Variants in AGTPBP1 observed in about 807,000 individuals in gnomAD.
AGTPBP1 encodes ATP/GTP binding carboxypeptidase 1.
Under a neutral mutation model 143.9 loss-of-function variants are expected in AGTPBP1, and 70 were observed. The observed-to-expected ratio is 0.49, with a 90% CI of 0.40 to 0.59. The LOEUF (loss-of-function observed/expected upper bound fraction) is 0.59. Among genes scored for constraint, AGTPBP1 ranks in the 20% least tolerant of loss-of-function variants. AGTPBP1 has a pLI of 0.00. For missense variants in AGTPBP1, 1,229 were observed against 1,464.5 expected (o/e 0.84, Z 2.62); for synonymous variants, 463 against 500.2 (o/e 0.93, Z 0.99).
At chr9:85,738,228 A>T (rs192149686) in intron 1 of AGTPBP1, among the ~76,000 whole-genome samples, 1 of 152,312 alleles carries the variant, frequency 6.6e-6, no homozygotes, top group East Asian at 1.9e-4. Context: ...AACTTTTAAC[A>T]ATGTAAAAGG....
At chr9:85,723,768 A>G (rs1395320050) in intron 1 of AGTPBP1, among the ~76,000 whole-genome samples, 1 of 151,894 alleles carries the variant, frequency 6.6e-6, no homozygotes, top group East Asian at 1.9e-4. Context: ...TTCTCCATCA[A>G]TCTCGCTGGG....
At position 85,668,966 on chromosome 9, in the gene AGTPBP1, CATGT is replaced by C. The variant is rs1275488359; in HGVS notation, c.662+515_662+518del. On this transcript the variant is annotated intron_variant, in intron 8 of 25. Coordinates refer to ENST00000357081, the MANE Select transcript of AGTPBP1 (RefSeq NM_001330701.2). ...ATGAATAAAAATACATACATACATA[CATGT>C]GTGTGTGTGTGTGTGTGTGTGTGTG... 2.0e-3 allele frequency among the ~76,000 whole-genome samples: 132 copies of C among 67,606 alleles called. 1 individual carries two copies. In the South Asian group the frequency reaches 0.037, roughly 19 times the overall value. 44.4% of individuals were successfully genotyped at this position (67,606 alleles called of 152,430 possible).
intron 23 of AGTPBP1, among the ~76,000 whole-genome samples, chr9:85,581,338 A>G (rs1828245837): frequency 6.6e-6 from 1 of 152,214 alleles, no homozygotes; most frequent in Non-Finnish European, 1.5e-5. Flanking sequence ...GGCCTCAAGC[A>G]TGTCAACTGA....
chr9:85,618,009 G>A (rs1830691972), intron 17 of AGTPBP1, among the ~76,000 whole-genome samples: 1 of 152,188 alleles, frequency 6.6e-6, no homozygotes, highest in Non-Finnish European at 1.5e-5. Context: ...GGAAGCCAAG[G>A]TGGGCAGATC....
At chr9:85,564,450 A>G (rs1826948213) in intron 25 of AGTPBP1, among the ~76,000 whole-genome samples, 1 of 152,226 alleles carries the variant, frequency 6.6e-6, no homozygotes, top group Non-Finnish European at 1.5e-5. Flanking sequence ...TCTCACCCAT[A>G]TCTGATTTAA....
intron 6 of AGTPBP1, among the ~76,000 whole-genome samples, chr9:85,673,728 G>C (rs996114977): frequency 6.6e-6 from 1 of 152,056 alleles, no homozygotes; most frequent in Non-Finnish European, 1.5e-5. Flanking sequence ...CAGGTAATGG[G>C]TATATTAAAT....
At chr9:85,552,626 C>T (rs1265654253) in intron 25 of AGTPBP1, among the ~76,000 whole-genome samples, 2 of 152,282 alleles carry the variant, frequency 1.3e-5, no homozygotes, top group East Asian at 3.9e-4. Context: ...TCAGTCTCAC[C>T]CATCTCACAA....
intron 3 of AGTPBP1, among the ~76,000 whole-genome samples, chr9:85,692,434 C>T (rs569631357): frequency 2.0e-5 from 3 of 151,992 alleles, no homozygotes; most frequent in Admixed American, 6.6e-5. Flanking sequence ...CTACCACACC[C>T]GGCTAATTTT....
chr9:85,742,441 G>A (rs916835412), upstream of AGTPBP1, among the ~76,000 whole-genome samples: 2 of 151,178 alleles, frequency 1.3e-5, no homozygotes, highest in African/African-American at 4.9e-5. Context: ...ATCAAACGCT[G>A]GGGACTGCGG....
intron 25 of AGTPBP1, among the ~76,000 whole-genome samples, chr9:85,563,476 A>C (rs997497580): frequency 1.3e-5 from 2 of 152,228 alleles, no homozygotes; most frequent in African/African-American, 4.8e-5. Flanking sequence ...TTGGCCAAGG[A>C]AATTTCTAAG....
At chr9:85,802,585 T>C in the AGTPBP1 span, among the ~76,000 whole-genome samples, 1 of 152,166 alleles carries the variant, frequency 6.6e-6, no homozygotes, top group East Asian at 1.9e-4. Context: ...CCCTTCTCTC[T>C]TTTTTTCTCA....
At chr9:85,682,172 T>TA (rs745339958) in intron 3 of AGTPBP1, among the ~76,000 whole-genome samples, 11,597 of 85,666 alleles carry the variant, frequency 0.14, 1,036 homozygotes, top group East Asian at 0.3. Context: ...TAGGATTGGT[T>TA]AAAAAAAAAA....
chr9:85,650,451 T>C (rs1467809071), intron 11 of AGTPBP1, among the ~76,000 whole-genome samples: 1 of 152,226 alleles, frequency 6.6e-6, no homozygotes, highest in East Asian at 1.9e-4. Context: ...CTCTTCCTTA[T>C]GACTTTTCAA....
chr9:85,657,116 C>A (rs1240360851), intron 10 of AGTPBP1, among the ~76,000 whole-genome samples: 1 of 149,618 alleles, frequency 6.7e-6, no homozygotes, highest in Non-Finnish European at 1.5e-5. Context: ...ACCAGCATGG[C>A]ACATGTATAC....
At chr9:85,762,065 A>T in the AGTPBP1 span, among the ~76,000 whole-genome samples, 2 of 152,334 alleles carry the variant, frequency 1.3e-5, no homozygotes, top group South Asian at 2.1e-4. Context: ...TCAAAACCAC[A>T]ATGAGATACC....
chr9:85,637,614 C>T (rs556884774), intron 13 of AGTPBP1, among the ~76,000 whole-genome samples: 1 of 152,292 alleles, frequency 6.6e-6, no homozygotes, highest in South Asian at 2.1e-4. Flanking sequence ...CAAGACTAGT[C>T]ACAGTGACAG....
intron 22 of AGTPBP1, among the ~76,000 whole-genome samples, chr9:85,585,907 G>A (rs920804021): frequency 6.6e-6 from 1 of 152,096 alleles, no homozygotes; most frequent in Admixed American, 6.6e-5. Flanking sequence ...GCCCCAAATG[G>A]TTGTAAAAAC....
chr9:85,705,329 TACA>T (rs1242729729), intron 2 of AGTPBP1, among the ~76,000 whole-genome samples: 1 of 151,040 alleles, frequency 6.6e-6, no homozygotes, highest in African/African-American at 2.4e-5. Context: ...AGACAGGCTA[TACA>T]CAGAAGAACT....
the AGTPBP1 span, among the ~76,000 whole-genome samples, chr9:85,805,131 T>C: frequency 2.0e-5 from 3 of 151,856 alleles, no homozygotes; most frequent in Non-Finnish European, 4.4e-5. Context: ...CCCCCGTAGC[T>C]CCCTTTCTCC....
Sources: gnomAD v4.1 joint callset for allele counts (sites outside exome capture counted in the v4.1 genomes callset) on GRCh38, gnomAD v4.1.1 for gene constraint, MANE v1.5 for transcripts, NCBI Gene and HGNC (gene_info 2026-07-23, HGNC 2026-07-21) for gene names.